The following TLR4 variants were observed in gnomAD, a reference collection of about 807,000 sequenced individuals.
The protein encoded by TLR4 is toll like receptor 4.
In TLR4, 17 loss-of-function variants were observed where a neutral mutation model predicts 27.4. The ratio of observed to expected loss-of-function variants is 0.62; its 90% CI spans 0.42 to 0.93. The LOEUF (loss-of-function observed/expected upper bound fraction) is 0.93, where lower values mean the gene tolerates loss of function less well. Among genes scored for constraint, TLR4 ranks in the 40% least tolerant of loss-of-function variants. TLR4 has a pLI of 0.00. For missense variants in TLR4, 926 were observed against 962.3 expected (o/e 0.96, Z 0.50); for synonymous variants, 363 against 365.7 (o/e 0.99, Z 0.08).
intron 2 of TLR4, among the ~76,000 whole-genome samples, chr9:117,709,887 A>G (rs557298067): frequency 6.6e-6 from 1 of 152,174 alleles, no homozygotes; most frequent in Admixed American, 6.5e-5. Flanking sequence ...CTTTATAACC[A>G]TGTAACCTTA....
At chr9:117,710,073 T>C (rs185790322) in intron 2 of TLR4, among the ~76,000 whole-genome samples, 1 of 152,266 alleles carries the variant, frequency 6.6e-6, no homozygotes, top group African/African-American at 2.4e-5. Context: ...ATTAGGTTTT[T>C]AAAATAATTT....
intron 1 of TLR4, among the ~76,000 whole-genome samples, chr9:117,707,492 T>G (rs1829154024): frequency 2.0e-5 from 3 of 152,326 alleles, no homozygotes; most frequent in Admixed American, 2.0e-4. Context: ...CTTATCTCAT[T>G]TAATCCTTCA....
At position 117,714,673 on chromosome 9, in the gene TLR4, G is replaced by T; in HGVS notation, c.*25G>T. 6.2e-7 allele frequency: 1 copy of T among 1,603,938 alleles called. No individual in the cohort carries two copies. Among genetic ancestry groups the T allele is most frequent in the South Asian group, 1.1e-5 (1 of 90,876 alleles). On this transcript the variant is annotated 3_prime_UTR_variant, in exon 3 of 3. Transcript: ENST00000355622. ...AAGAGGAAAAATAAAAACCTCCTGA[G>T]GCATTTCTTGCCCAGCTGGGTCCAA...
rs148067660 is a variant in TLR4 at position 117,708,738 on chromosome 9, T to C, written c.260+9T>C. Reference sequence around the variant, plus strand: ...GTGCTGGATTTATCCAGGTAATGAATCCACTTTTACATACTGCACAAGGTG... The same window carrying C: ...GTGCTGGATTTATCCAGGTAATGAACCCACTTTTACATACTGCACAAGGTG... On this transcript the variant is annotated intron_variant, in intron 2 of 2. Transcript: ENST00000355622. The C allele has an allele frequency of 5.5e-5, 88 of 1,613,664 alleles. No individual in the cohort carries two copies. In the Middle Eastern group the frequency reaches 6.6e-4, roughly 12 times the overall value.
chr9:117,707,775 G>A (rs530201580), intron 1 of TLR4, among the ~76,000 whole-genome samples: 1 of 152,306 alleles, frequency 6.6e-6, no homozygotes, highest in Non-Finnish European at 1.5e-5. Context: ...AATGAGCCAA[G>A]AAAAAGAATG....
chr9:117,712,831 A>C lies in TLR4; in HGVS notation c.703A>C (p.Asn235His). The C allele has an allele frequency of 6.2e-7, 1 of 1,613,996 alleles. No homozygotes were observed. Among genetic ancestry groups the C allele is most frequent in the Non-Finnish European group, 8.5e-7 (1 of 1,179,988 alleles). Residue 235 changes from asparagine (N) to histidine (H), a missense_variant, in exon 3 of 3, where the codon AAT becomes CAT. Transcript: ENST00000355622. ...EIRLHKLTLR[N>H]NFDSLNVMKT... The stretch of plus-strand genomic sequence containing the variant: ...TAGGCTTCATAAGCTGACTTTAAGA[A>C]ATAATTTTGATAGTTTAAATGTAAT...
At position 117,721,669 on chromosome 9, in the gene TLR4, C is replaced by A. The variant is rs1588098593; in HGVS notation, c.*7021C>A. 6.6e-6 allele frequency: 1 copy of A among 152,192 alleles called. No individual in the cohort carries two copies. Among genetic ancestry groups the A allele is most frequent in the East Asian group, 1.9e-4 (1 of 5,168 alleles). 9.4% of individuals were successfully genotyped at this position (152,192 alleles called of 1,614,324 possible). A position where few individuals can be genotyped will look rare whatever the true frequency, so the allele number is the denominator to read the frequency against. ...TTTATGATCTTTATTGCTAGAAATT[C>A]TGGTTCAATATCAGAGGTTAGTCCT... is the stretch of plus-strand genomic sequence containing the variant. On this transcript the variant is annotated 3_prime_UTR_variant, in exon 3 of 3. Transcript: ENST00000355622.
chr9:117,706,290 A>G lies in TLR4; in HGVS notation c.93+1725A>G, dbSNP rs939843291. Among the ~76,000 whole-genome samples, 3 of 152,288 alleles carry G rather than the reference A, an allele frequency of 2.0e-5. No individual in the cohort carries two copies. The South Asian group carries it at 6.2e-4, about 32-fold the overall frequency. On this transcript the variant is annotated intron_variant, in intron 1 of 2. Transcript: ENST00000355622. The stretch of plus-strand genomic sequence containing the variant: ...CAGGGCAGTCTTCCTTGATTGCCCC[A>G]TGTAGAGCTCTCCAGCCTCACTTAT...
chr9:117,713,156 G>A lies in TLR4; in HGVS notation c.1028G>A (p.Gly343Glu), dbSNP rs200713994. The A allele has an allele frequency of 6.2e-7, 1 of 1,613,572 alleles. No homozygotes were observed. Among genetic ancestry groups the A allele is most frequent in the Admixed American group, 1.7e-5 (1 of 59,936 alleles). The change falls in exon 3 of 3, where the codon GGA becomes GAA. Residue 343 changes from glycine to glutamate, a missense_variant. Transcript: ENST00000355622. ...QHLELVNCKF[G>E]QFPTLKLKSL... ...TTAGAATTAGTTAACTGTAAATTTG[G>A]ACAGTTTCCCACATTGAAACTCAAA...
In TLR4 at chr9:117,714,077, T is replaced by C; in HGVS notation, c.1949T>C (p.Leu650Pro). 1.2e-6 allele frequency: 2 copies of C among 1,614,072 alleles called. No homozygotes were observed. Among genetic ancestry groups the C allele is most frequent in the Non-Finnish European group, 1.7e-6 (2 of 1,179,996 alleles). ...CTTGTAGTATCTGTTGTAGCAGTTC[T>C]GGTCTATAAGTTCTATTTTCACCTG... Reference protein sequence around the residue: ...SVLVVSVVAVLVYKFYFHLML... With the variant: ...SVLVVSVVAVPVYKFYFHLML... Residue 650 changes from leucine (L) to proline (P), a missense_variant, in exon 3 of 3, where the codon CTG becomes CCG. Transcript: ENST00000355622.
chr9:117,707,865 ATTT>A (rs1829161344), intron 1 of TLR4: 3 of 152,344 alleles, frequency 2.0e-5, no homozygotes, highest in Admixed American at 1.3e-4. Flanking sequence ...GATATGGAGT[ATTT>A]AAAATGATAC....
In TLR4 at chr9:117,713,256, G is replaced by T. The variant is rs776184447; in HGVS notation, c.1128G>T (p.Glu376Asp). The change falls in exon 3 of 3, where the codon GAG (glutamate) becomes GAT (aspartate). Residue 376 changes from glutamate to aspartate, a missense_variant. By Grantham distance (45) the Glu-to-Asp change is conservative (BLOSUM62 2). Coordinates refer to ENST00000355622, the MANE Select transcript of TLR4 (RefSeq NM_138554.5). ...CAGAAGTTGATCTACCAAGCCTTGA[G>T]TTTCTAGATCTCAGTAGAAATGGCT... Reference protein sequence around the residue: ...AFSEVDLPSLEFLDLSRNGLS... With the variant: ...AFSEVDLPSLDFLDLSRNGLS... 4 of 1,613,894 alleles carry T rather than the reference G, an allele frequency of 2.5e-6. No homozygotes were observed. Among genetic ancestry groups the T allele is most frequent in the Middle Eastern group, 1.6e-4 (1 of 6,084 alleles).
rs1324518763 is a variant in TLR4, at chr9:117,724,342, C to T, written c.*9694C>T. 6.6e-6 allele frequency: 1 copy of T among 152,238 alleles called. No individual in the cohort carries two copies. The highest frequency in any genetic ancestry group is 1.5e-5 in the Non-Finnish European group (1 of 68,060). The allele number at this position is 152,238 out of a possible 1,614,324, so 9.4% of individuals were successfully genotyped here. A position where few individuals can be genotyped will look rare whatever the true frequency, so the allele number is the denominator to read the frequency against. ...CAATTCTGTTGCCATTCTAAGCTCT[C>T]TAAATGTCACCACAATCTTCCTTCC... On this transcript the variant is annotated 3_prime_UTR_variant, in exon 3 of 3. Coordinates refer to ENST00000355622, the MANE Select transcript of TLR4 (RefSeq NM_138554.5).
At position 117,721,314 on chromosome 9, in the gene TLR4, G is replaced by C. The variant is rs373517562; in HGVS notation, c.*6666G>C. 12 of 152,184 alleles carry C rather than the reference G, an allele frequency of 7.9e-5. No individual in the cohort carries two copies. The highest frequency in any genetic ancestry group is 2.9e-4 in the African/African-American group (12 of 41,428). 9.4% of individuals were successfully genotyped at this position (152,184 alleles called of 1,614,324 possible). A position where few individuals can be genotyped will look rare whatever the true frequency, so the allele number is the denominator to read the frequency against. Reference sequence around the variant, plus strand: ...CAAATTATTTAGTTTCCACTCATAAGTGAGAGCATGGATGGAACTGGAGAA... The same window carrying C: ...CAAATTATTTAGTTTCCACTCATAACTGAGAGCATGGATGGAACTGGAGAA... On this transcript the variant is annotated 3_prime_UTR_variant, in exon 3 of 3. Coordinates refer to ENST00000355622, the MANE Select transcript of TLR4 (RefSeq NM_138554.5).
chr9:117,712,543 G>T lies in TLR4; in HGVS notation c.415G>T (p.Ala139Ser), dbSNP rs1441084781. ...QKLVAVETNL[A>S]SLENFPIGHL... ...GCTGGTGGCTGTGGAGACAAATCTA[G>T]CATCTCTAGAGAACTTCCCCATTGG... is the stretch of plus-strand genomic sequence containing the variant. The change falls in exon 3 of 3, where the codon GCA becomes TCA. Residue 139 changes from alanine to serine, a missense_variant. Transcript: ENST00000355622. 1.2e-6 allele frequency: 2 copies of T among 1,613,826 alleles called. No homozygotes were observed. The highest frequency in any genetic ancestry group is 1.3e-5 in the African/African-American group (1 of 74,886).
At chr9:117,708,319 G>T (rs1829170846) in intron 1 of TLR4, 2 of 1,304,610 alleles carry the variant, frequency 1.5e-6, no homozygotes, top group East Asian at 6.9e-5. Flanking sequence ...TATCACGGAG[G>T]TTAGAATGCT....
In TLR4 at chr9:117,712,417, G is replaced by T; in HGVS notation, c.289G>T (p.Ala97Ser). The change falls in exon 3 of 3, where the codon GCA (alanine) becomes TCA (serine). Residue 97 changes from alanine (A) to serine (S), a missense_variant. Physicochemically the swap from Ala to Ser is moderately conservative, Grantham distance 99. Transcript: ENST00000355622. ...TGAAATCCAGACAATTGAAGATGGG[G>T]CATATCAGAGCCTAAGCCACCTCTC... Reference protein sequence around the residue: ...RCEIQTIEDGAYQSLSHLSTL... With the variant: ...RCEIQTIEDGSYQSLSHLSTL... 1 of 1,613,824 alleles carries T rather than the reference G, an allele frequency of 6.2e-7. No homozygotes were observed. Among genetic ancestry groups the T allele is most frequent in the Non-Finnish European group, 8.5e-7 (1 of 1,179,868 alleles).
At chr9:117,709,732 T>G (rs551944499) in intron 2 of TLR4, among the ~76,000 whole-genome samples, 4 of 152,272 alleles carry the variant, frequency 2.6e-5, no homozygotes, top group South Asian at 4.1e-4. Context: ...GACATTTCTG[T>G]AGAAGAGTGA....
chr9:117,708,420 G>A, intron 1 of TLR4, 143 bp from the exon 2 acceptor site: 1 of 1,539,690 alleles, frequency 6.5e-7, no homozygotes, highest in African/African-American at 1.4e-5. Flanking sequence ...ATATATGGAT[G>A]GAAGGATGGA....
Sources: gnomAD v4.1 joint callset for allele counts (sites outside exome capture counted in the v4.1 genomes callset) on GRCh38, gnomAD v4.1.1 for gene constraint, MANE v1.5 for transcripts, NCBI Gene and HGNC (gene_info 2026-07-23, HGNC 2026-07-21) for gene names.